Variants in HS3ST5 observed in about 807,000 individuals in gnomAD.
The protein encoded by HS3ST5 is heparan sulfate-glucosamine 3-sulfotransferase 5.
Under a neutral mutation model 25.4 loss-of-function variants are expected in HS3ST5, and 10 were observed. The ratio of observed to expected loss-of-function variants is 0.39; its 90% CI spans 0.24 to 0.67. The LOEUF (loss-of-function observed/expected upper bound fraction) is 0.67. HS3ST5 is among the 30% of genes least tolerant of loss of function. HS3ST5 has a pLI of 0.44. For missense variants in HS3ST5, 324 were observed against 420.7 expected, an observed-to-expected ratio of 0.77 and a Z score of 2.01; for synonymous variants, 170 against 162.4, an observed-to-expected ratio of 1.05 and a Z score of -0.36.
intron 2 of HS3ST5, among the ~76,000 whole-genome samples, chr6:114,169,802 T>C (rs991649373): frequency 6.6e-6 from 1 of 152,156 alleles, no homozygotes; most frequent in Non-Finnish European, 1.5e-5. Flanking sequence ...CCCCTAAGGG[T>C]AATACCTTCA....
At chr6:114,246,935 A>G (rs1219310844) in intron 1 of HS3ST5, among the ~76,000 whole-genome samples, 3 of 152,246 alleles carry the variant, frequency 2.0e-5, no homozygotes, top group Admixed American at 1.3e-4. Flanking sequence ...AGTAAACTCT[A>G]TTCTTCCACC....
chr6:114,194,674 C>T (rs1368757385), intron 2 of HS3ST5, among the ~76,000 whole-genome samples: 1 of 152,188 alleles, frequency 6.6e-6, no homozygotes, highest in Non-Finnish European at 1.5e-5. Flanking sequence ...CCTTTGACAT[C>T]AGAGTGTGGA....
At chr6:114,144,034 A>T (rs1442996006) in intron 3 of HS3ST5, 1 of 152,140 alleles carries the variant, frequency 6.6e-6, no homozygotes, top group Non-Finnish European at 1.5e-5. Flanking sequence ...ACTCATCTCT[A>T]TTTTTTATGT....
intron 2 of HS3ST5, among the ~76,000 whole-genome samples, chr6:114,173,199 A>G (rs183752366): frequency 4.7e-4 from 71 of 152,314 alleles, no homozygotes; most frequent in African/African-American, 1.6e-3. Flanking sequence ...TGTTTTAACA[A>G]CTTTTGACAA....
chr6:114,316,359 C>T (rs1775747904), intron 1 of HS3ST5, among the ~76,000 whole-genome samples: 1 of 152,092 alleles, frequency 6.6e-6, no homozygotes, highest in African/African-American at 2.4e-5. Flanking sequence ...GGAAGCTGTC[C>T]CGATCTAAGG....
At chr6:114,305,758 A>T (rs1006203650) in intron 1 of HS3ST5, among the ~76,000 whole-genome samples, 2 of 152,204 alleles carry the variant, frequency 1.3e-5, no homozygotes, top group Admixed American at 1.3e-4. Context: ...CTTAGATTTG[A>T]TTCATGCTAA....
intron 3 of HS3ST5, among the ~76,000 whole-genome samples, chr6:114,102,538 G>A (rs562257018): frequency 3.9e-5 from 6 of 152,280 alleles, no homozygotes; most frequent in Admixed American, 1.3e-4. Context: ...GGTACAGACA[G>A]GGATAACTTA....
chr6:114,248,376 T>C lies in HS3ST5; in HGVS notation c.-338-19598A>G, dbSNP rs112538828. Among the ~76,000 whole-genome samples, 252 of 151,910 alleles carry C rather than the reference T, an allele frequency of 1.7e-3. 1 individual carries two copies. Among genetic ancestry groups the C allele is most frequent in the African/African-American group, 5.9e-3 (246 of 41,538 alleles). Reference sequence around the variant, plus strand: ...AATACAATATTATGAAAGATTGCTATAAAATTATGCATCTCTAAATAAGAA... The same window carrying C: ...AATACAATATTATGAAAGATTGCTACAAAATTATGCATCTCTAAATAAGAA... On this transcript the variant is annotated intron_variant, in intron 1 of 4. Coordinates refer to ENST00000312719, the MANE Select transcript of HS3ST5 (RefSeq NM_153612.4).
chr6:114,267,155 A>G (rs114209454), intron 1 of HS3ST5, among the ~76,000 whole-genome samples: 320 of 152,360 alleles, frequency 2.1e-3, no homozygotes, highest in African/African-American at 7.3e-3. Flanking sequence ...CTAAAGATTT[A>G]TTAAAGGCTA....
Position 114,234,003 on chromosome 6 carries a change from T to C in HS3ST5, c.-338-5225A>G, listed in dbSNP as rs1582743548. ...ACAGGGATACCTGCTTCTCCAGGGC[T>C]TCTAACAGTGTTAGCTGTAGCCAGA... On this transcript the variant is annotated intron_variant, in intron 1 of 4. Coordinates refer to ENST00000312719, the MANE Select transcript of HS3ST5 (RefSeq NM_153612.4). 1.3e-5 allele frequency among the ~76,000 whole-genome samples: 2 copies of C among 152,320 alleles called. 1 individual carries two copies. Among genetic ancestry groups the C allele is most frequent in the Admixed American group, 1.3e-4 (2 of 15,302 alleles).
intron 3 of HS3ST5, among the ~76,000 whole-genome samples, chr6:114,117,640 A>G (rs1180354251): frequency 6.6e-6 from 1 of 152,180 alleles, no homozygotes; most frequent in Non-Finnish European, 1.5e-5. Flanking sequence ...TCCTAGAGAT[A>G]CTATACCAGG....
In HS3ST5 at chr6:114,276,927, T is replaced by A. The variant is rs117617085; in HGVS notation, c.-338-48149A>T. Among the ~76,000 whole-genome samples the A allele has an allele frequency of 3.3e-4, 50 of 152,104 alleles. No individual in the cohort carries two copies. The East Asian group carries it at 8.2e-3, about 25-fold the overall frequency. On this transcript the variant is annotated intron_variant, in intron 1 of 4. Coordinates refer to ENST00000312719, the MANE Select transcript of HS3ST5 (RefSeq NM_153612.4). ...ATGGTCAGCATGGGATTAGTTTAGA[T>A]CTTGTTGGAAGATATTATGATCATC...
intron 3 of HS3ST5, among the ~76,000 whole-genome samples, chr6:114,088,482 C>A (rs919821543): frequency 2.0e-5 from 3 of 151,582 alleles, no homozygotes; most frequent in African/African-American, 7.3e-5. Context: ...GAAACCTCCT[C>A]TGATCCCACT....
intron 1 of HS3ST5, among the ~76,000 whole-genome samples, chr6:114,237,003 CT>C (rs1224321374): frequency 6.6e-6 from 1 of 152,208 alleles, no homozygotes; most frequent in African/African-American, 2.4e-5. Context: ...GCTACCCATA[CT>C]TTTTATGATG....
intron 3 of HS3ST5, among the ~76,000 whole-genome samples, chr6:114,069,783 A>G (rs1303145026): frequency 6.6e-6 from 1 of 151,982 alleles, no homozygotes; most frequent in Non-Finnish European, 1.5e-5. Flanking sequence ...TGGCCTCCCA[A>G]AGTTCTAGGA....
intron 2 of HS3ST5, among the ~76,000 whole-genome samples, chr6:114,210,377 T>C (rs1406396977): frequency 6.6e-6 from 1 of 152,212 alleles, no homozygotes; most frequent in East Asian, 1.9e-4. Flanking sequence ...TAGCTTATTT[T>C]AGCTATTGTA....
intron 3 of HS3ST5, among the ~76,000 whole-genome samples, chr6:114,101,916 G>A (rs1204143584): frequency 6.6e-6 from 1 of 152,168 alleles, no homozygotes; most frequent in Admixed American, 6.5e-5. Context: ...GGATGGACAT[G>A]GAGGTCATTA....
At chr6:114,237,049 T>C (rs574957290) in intron 1 of HS3ST5, among the ~76,000 whole-genome samples, 15 of 152,362 alleles carry the variant, frequency 9.8e-5, no homozygotes, top group Middle Eastern at 3.4e-3. Flanking sequence ...CTAAAATGAT[T>C]TGCGACATCT....
chr6:114,295,005 T>C (rs947120617), intron 1 of HS3ST5, among the ~76,000 whole-genome samples: 2 of 152,220 alleles, frequency 1.3e-5, no homozygotes, highest in Non-Finnish European at 2.9e-5. Context: ...TAATTACTTA[T>C]GTAATAATGG....
Sources: gnomAD v4.1 joint callset for allele counts (sites outside exome capture counted in the v4.1 genomes callset) on GRCh38, gnomAD v4.1.1 for gene constraint, MANE v1.5 for transcripts, NCBI Gene and HGNC (gene_info 2026-07-23, HGNC 2026-07-21) for gene names.